SLC28A1: variants seen among roughly 807,000 people sequenced by gnomAD.
The protein encoded by SLC28A1 is sodium/nucleoside cotransporter 1.
SLC28A1 carries 64 observed loss-of-function variants against 74.8 expected under a neutral mutation model. That is an observed-to-expected ratio of 0.86 (90% CI 0.70 to 1.05). The LOEUF (loss-of-function observed/expected upper bound fraction) is 1.05. SLC28A1 is among the 50% of genes least tolerant of loss of function. SLC28A1 has a pLI of 0.00. For synonymous variants in SLC28A1, 359 were observed against 335.0 expected (o/e 1.07, Z -0.78); for missense variants, 828 against 822.8 (o/e 1.01, Z -0.08).
chr15:84,898,236 G>A (rs1228645698), intron 6 of SLC28A1, among the ~76,000 whole-genome samples: 1 of 151,860 alleles, frequency 6.6e-6, no homozygotes, highest in East Asian at 1.9e-4. Flanking sequence ...CACTGTAAAT[G>A]GGCAAATTGT....
intron 7 of SLC28A1, 83 bp downstream of exon 7, chr15:84,904,321 AG>A: frequency 6.3e-7 from 1 of 1,596,698 alleles, no homozygotes; most frequent in Non-Finnish European, 8.5e-7. Context: ...GCTGGGGTAT[AG>A]GCAGATGTTC....
At chr15:84,896,021 AAT>A (rs879334942) in intron 6 of SLC28A1, 2 of 831,522 alleles carry the variant, frequency 2.4e-6, no homozygotes, top group African/African-American at 1.9e-5. Context: ...CTCTTTATTA[AAT>A]ACATTTGTGA....
intron 15 of SLC28A1, 30 bp from the exon 16 acceptor site, chr15:84,943,415 C>A (rs376871935): frequency 2.6e-6 from 4 of 1,510,180 alleles, no homozygotes; most frequent in African/African-American, 2.7e-5. Context: ...CTGAGGGGAG[C>A]CCCTCCTCAT....
chr15:84,950,993 G>A, the SLC28A1 span, among the ~76,000 whole-genome samples: 2 of 152,222 alleles, frequency 1.3e-5, no homozygotes, highest in African/African-American at 2.4e-5. Context: ...AGGCCAACCT[G>A]CAGGCTGTGG....
At chr15:84,942,711 A>G (rs1205627563) in intron 15 of SLC28A1, among the ~76,000 whole-genome samples, 1 of 152,144 alleles carries the variant, frequency 6.6e-6, no homozygotes, top group Non-Finnish European at 1.5e-5. Context: ...CCTGTGGGCC[A>G]TACTCCCTCT....
At chr15:84,897,316 G>A (rs940453673) in intron 6 of SLC28A1, among the ~76,000 whole-genome samples, 3 of 151,944 alleles carry the variant, frequency 2.0e-5, no homozygotes, top group Admixed American at 6.5e-5. Context: ...AACCCGGGAG[G>A]CAGAGGTTGC....
chr15:84,902,043 A>G (rs1361667691), intron 6 of SLC28A1, among the ~76,000 whole-genome samples: 1 of 152,262 alleles, frequency 6.6e-6, no homozygotes, highest in Non-Finnish European at 1.5e-5. Flanking sequence ...GAAACAGACT[A>G]GTGAATCATG....
At position 84,908,777 on chromosome 15, in the gene SLC28A1, G is replaced by A; in HGVS notation, c.777G>A (p.Lys259=). The A allele has an allele frequency of 6.2e-7, 1 of 1,613,908 alleles. No homozygotes were observed. The highest frequency in any genetic ancestry group is 8.5e-7 in the Non-Finnish European group (1 of 1,180,010). Residue 259 remains lysine (K), a synonymous_variant, in exon 9 of 19, where the codon AAG becomes AAA. Coordinates refer to ENST00000394573, the MANE Select transcript of SLC28A1 (RefSeq NM_004213.5). ...SSFVFGEALV[K]DVFAFQVLPI... ...TCGTGTTTGGGGAGGCGCTGGTCAA[G>A]GATGTCTTTGCCTTTCAGGTCAGCT...
downstream of SLC28A1, among the ~76,000 whole-genome samples, chr15:84,948,130 C>T (rs909600398): frequency 1.5e-4 from 23 of 152,110 alleles, 1 homozygote; most frequent in Non-Finnish European, 2.6e-4. Context: ...TACATTGACC[C>T]CCCTTCTGCC....
chr15:84,963,475 G>A, the SLC28A1 span, among the ~76,000 whole-genome samples: 1 of 152,224 alleles, frequency 6.6e-6, no homozygotes, highest in Non-Finnish European at 1.5e-5. Flanking sequence ...AAGCAGGGAA[G>A]GGACTACAGT....
intron 5 of SLC28A1, 101 bp downstream of exon 5, chr15:84,890,635 G>C (rs1309025970): frequency 5.1e-6 from 5 of 986,992 alleles, no homozygotes; most frequent in Non-Finnish European, 7.8e-6. Flanking sequence ...TTCAACAAAT[G>C]GTTGTTGAGC....
chr15:84,920,058 A>G (rs1969615712), intron 10 of SLC28A1, among the ~76,000 whole-genome samples: 1 of 152,196 alleles, frequency 6.6e-6, no homozygotes, highest in African/African-American at 2.4e-5. Context: ...GCTGTCTCCA[A>G]ATACTTACAG....
the SLC28A1 span, among the ~76,000 whole-genome samples, chr15:84,969,600 C>T: frequency 6.6e-6 from 1 of 152,134 alleles, no homozygotes; most frequent in Admixed American, 6.5e-5. Flanking sequence ...CTGCAGGGTC[C>T]CAAGCACAAC....
At chr15:84,886,349 G>C in intron 1 of SLC28A1, 2 of 985,314 alleles carry the variant, frequency 2.0e-6, no homozygotes, top group Non-Finnish European at 2.4e-6. Flanking sequence ...AAAGCTAACA[G>C]CCTGGCTGGG....
rs763318436 is a variant in SLC28A1, at chr15:84,923,992, C to A, written c.965C>A (p.Ala322Asp). The change falls in exon 12 of 19, where the codon GCT becomes GAT. Residue 322 changes from alanine to aspartate, a missense_variant. Coordinates refer to ENST00000394573, the MANE Select transcript of SLC28A1 (RefSeq NM_004213.5). ...CATCTTTCCTGTTTGCAGACCGAGG[C>A]TCCATTACTGATCCGGCCCTACTTG... Reference protein sequence around the residue: ...AGNIFVSQTEAPLLIRPYLAD... With the variant: ...AGNIFVSQTEDPLLIRPYLAD... The A allele has an allele frequency of 6.2e-7, 1 of 1,614,122 alleles. No individual in the cohort carries two copies. Among genetic ancestry groups the A allele is most frequent in the Non-Finnish European group, 8.5e-7 (1 of 1,180,036 alleles).
At chr15:84,917,616 C>A (rs1028024417) in intron 9 of SLC28A1, among the ~76,000 whole-genome samples, 1 of 152,134 alleles carries the variant, frequency 6.6e-6, no homozygotes, top group African/African-American at 2.4e-5. Flanking sequence ...GCATAGCATA[C>A]ACTCTTGTGG....
In SLC28A1 at chr15:84,894,942, C is replaced by T. The variant is rs1037805732; in HGVS notation, c.280C>T (p.Leu94Phe). Residue 94 changes from leucine to phenylalanine, a missense_variant and splice_region_variant, in exon 6 of 19, where the codon CTC becomes TTC. By Grantham distance (22) the Leu-to-Phe change is conservative (BLOSUM62 0). Transcript: ENST00000394573. ...WIGTGLLCTG[L>F]SAFLLVACLL... Reference sequence around the variant, plus strand: ...CCCTCCTCTGTCTCATCCCCCAGGGCTCTCTGCCTTCCTGCTGGTGGCCTG... The same window carrying T: ...CCCTCCTCTGTCTCATCCCCCAGGGTTCTCTGCCTTCCTGCTGGTGGCCTG... 6.2e-7 allele frequency: 1 copy of T among 1,613,988 alleles called. No individual in the cohort carries two copies. Among genetic ancestry groups the T allele is most frequent in the Non-Finnish European group, 8.5e-7 (1 of 1,180,008 alleles).
At chr15:84,908,918 C>CG (rs1445103101) in intron 9 of SLC28A1, 123 bp downstream of exon 9, 1 of 799,756 alleles carries the variant, frequency 1.3e-6, no homozygotes. Flanking sequence ...CAGAGGTCGC[C>CG]GTACTGGGAA....
At chr15:84,959,486 T>G in the SLC28A1 span, among the ~76,000 whole-genome samples, 1 of 152,124 alleles carries the variant, frequency 6.6e-6, no homozygotes, top group South Asian at 2.1e-4. Flanking sequence ...CTTTTTTTTT[T>G]GTAATGTTAG....
Sources: allele counts gnomAD v4.1 joint callset (sites outside exome capture counted in the v4.1 genomes callset), GRCh38; gene constraint gnomAD v4.1.1; transcripts MANE v1.5; gene names NCBI Gene and HGNC (gene_info 2026-07-23, HGNC 2026-07-21).